The following MEI4 variants were observed in gnomAD, a reference collection of about 807,000 sequenced individuals.
MEI4 encodes meiotic double-stranded break formation protein 4, also known as meiosis-specific protein MEI4.
Under a neutral mutation model 31.4 loss-of-function variants are expected in MEI4, and 27 were observed. The observed-to-expected ratio is 0.86, with a 90% CI of 0.63 to 1.19. MEI4 has a LOEUF of 1.19. Ranked by LOEUF, MEI4 falls within the 50% of genes most tolerant of loss-of-function variation. The pLI is 0.00. For synonymous variants in MEI4, 122 were observed against 145.4 expected (o/e 0.84, Z 1.16); for missense variants, 329 against 398.9 (o/e 0.82, Z 1.49).
intron 4 of MEI4, among the ~76,000 whole-genome samples, chr6:77,880,065 A>G (rs901344363): frequency 2.0e-5 from 3 of 152,212 alleles, no homozygotes; most frequent in African/African-American, 7.2e-5. Flanking sequence ...AACTGTGATA[A>G]TAAGTGGAGT....
At chr6:77,874,355 C>G (rs770938346) in intron 4 of MEI4, among the ~76,000 whole-genome samples, 5 of 152,108 alleles carry the variant, frequency 3.3e-5, no homozygotes, top group Non-Finnish European at 5.9e-5. Context: ...GTATTTTATT[C>G]TCTTTGAAGC....
chr6:77,898,550 C>A (rs1766129686), intron 4 of MEI4, among the ~76,000 whole-genome samples: 1 of 151,994 alleles, frequency 6.6e-6, no homozygotes, highest in African/African-American at 2.4e-5. Context: ...TAAATATTTT[C>A]TTTCACTTAT....
intron 4 of MEI4, among the ~76,000 whole-genome samples, chr6:77,919,296 A>G (rs922650318): frequency 5.9e-5 from 9 of 152,096 alleles, no homozygotes; most frequent in East Asian, 1.9e-4. Context: ...ATAACAAACT[A>G]TCTCTCAGAC....
At chr6:77,851,861 C>G (rs1770633368) in intron 4 of MEI4, among the ~76,000 whole-genome samples, 1 of 152,040 alleles carries the variant, frequency 6.6e-6, no homozygotes, top group Non-Finnish European at 1.5e-5. Context: ...TACATGGTAT[C>G]TGGTTAGTCT....
At chr6:77,675,654 A>G (rs561492886) in intron 1 of MEI4, among the ~76,000 whole-genome samples, 2 of 152,064 alleles carry the variant, frequency 1.3e-5, no homozygotes, top group South Asian at 2.1e-4. Flanking sequence ...TGCCGTATGT[A>G]TGAATTTTCT....
intron 4 of MEI4, among the ~76,000 whole-genome samples, chr6:77,916,629 A>G (rs1313292002): frequency 1.3e-5 from 2 of 152,078 alleles, no homozygotes; most frequent in East Asian, 3.9e-4. Context: ...CAATGTTTAT[A>G]GCATCTTAAC....
At chr6:77,813,789 G>T (rs1165109750) in intron 3 of MEI4, among the ~76,000 whole-genome samples, 6 of 151,930 alleles carry the variant, frequency 3.9e-5, no homozygotes, top group East Asian at 1.9e-4. Flanking sequence ...TTTTAACCTA[G>T]TTGGTATTAA....
chr6:77,728,236 T>C (rs988069784), intron 2 of MEI4, among the ~76,000 whole-genome samples: 1 of 152,162 alleles, frequency 6.6e-6, no homozygotes, highest in Non-Finnish European at 1.5e-5. Context: ...CCAAAATAAT[T>C]AATAGGTACT....
upstream of MEI4, among the ~76,000 whole-genome samples, chr6:77,650,713 T>C (rs1241920105): frequency 1.3e-5 from 2 of 152,232 alleles, no homozygotes; most frequent in African/African-American, 4.8e-5. Flanking sequence ...TTCAGGTGTG[T>C]ATGGAGCTCC....
At chr6:77,681,034 G>A (rs1768947440) in intron 1 of MEI4, among the ~76,000 whole-genome samples, 1 of 151,910 alleles carries the variant, frequency 6.6e-6, no homozygotes, top group African/African-American at 2.4e-5. Context: ...TTTGGATAGG[G>A]CCATTTACCT....
At chr6:77,896,776 G>A (rs180808115) in intron 4 of MEI4, among the ~76,000 whole-genome samples, 2 of 152,108 alleles carry the variant, frequency 1.3e-5, no homozygotes, top group Non-Finnish European at 2.9e-5. Flanking sequence ...GATAGGGAAC[G>A]TAGGTAAGGT....
intron 2 of MEI4, among the ~76,000 whole-genome samples, chr6:77,717,859 C>G (rs1308401748): frequency 4.6e-5 from 5 of 109,824 alleles, no homozygotes. Flanking sequence ...CTACTTCTTT[C>G]TACACAGACA....
intron 3 of MEI4, among the ~76,000 whole-genome samples, chr6:77,819,971 TTTC>T (rs931442735): frequency 7.9e-5 from 12 of 152,108 alleles, no homozygotes; most frequent in Admixed American, 1.3e-4. Flanking sequence ...TTTTTTTTCT[TTTC>T]TTCATTTATT....
At chr6:77,835,817 G>A (rs1215125143) in intron 4 of MEI4, among the ~76,000 whole-genome samples, 1 of 151,774 alleles carries the variant, frequency 6.6e-6, no homozygotes, top group Non-Finnish European at 1.5e-5. Flanking sequence ...ATGAGTATTT[G>A]ATAATAGTTA....
intron 3 of MEI4, among the ~76,000 whole-genome samples, chr6:77,767,380 A>G (rs1316800837): frequency 6.6e-6 from 1 of 151,338 alleles, no homozygotes; most frequent in Non-Finnish European, 1.5e-5. Flanking sequence ...CTCAATAAAT[A>G]AATAAATGAA....
chr6:77,732,839 A>G (rs1281075119), intron 2 of MEI4, among the ~76,000 whole-genome samples: 2 of 151,932 alleles, frequency 1.3e-5, no homozygotes, highest in African/African-American at 2.4e-5. Context: ...TAGCATGAAG[A>G]GTTGTTGAAT....
intron 4 of MEI4, among the ~76,000 whole-genome samples, chr6:77,897,688 G>A (rs973929090): frequency 6.6e-6 from 1 of 151,904 alleles, no homozygotes; most frequent in African/African-American, 2.4e-5. Context: ...CTAGTCTCAT[G>A]GATTCAACAT....
At chr6:77,740,833 A>G (rs941573285) in intron 2 of MEI4, among the ~76,000 whole-genome samples, 1 of 151,938 alleles carries the variant, frequency 6.6e-6, no homozygotes, top group Admixed American at 6.6e-5. Context: ...TATATATAAT[A>G]TGAATTCAGA....
chr6:77,698,257 G>A (rs1293646127), intron 2 of MEI4, among the ~76,000 whole-genome samples: 2 of 152,128 alleles, frequency 1.3e-5, no homozygotes, highest in Admixed American at 6.5e-5. Context: ...GGAGCAGTTA[G>A]CCCATATACA....
Sources: allele counts gnomAD v4.1 joint callset (sites outside exome capture counted in the v4.1 genomes callset), GRCh38; gene constraint gnomAD v4.1.1; transcripts MANE v1.5; gene names NCBI Gene and HGNC (gene_info 2026-07-23, HGNC 2026-07-21).